KANK2: variants seen among roughly 807,000 people sequenced by gnomAD.
KANK2 encodes the protein KN motif and ankyrin repeat domain-containing protein 2.
Under a neutral mutation model 74.6 loss-of-function variants are expected in KANK2, and 41 were observed. The observed-to-expected ratio is 0.55, with a 90% CI of 0.43 to 0.71. The LOEUF is 0.71. Among genes scored for constraint, KANK2 ranks in the 30% least tolerant of loss-of-function variants. The pLI, the probability that KANK2 is intolerant of heterozygous loss-of-function variation, is 0.00. For synonymous variants in KANK2, 537 were observed against 519.0 expected, an observed-to-expected ratio of 1.03 and a Z score of -0.47; for missense variants, 1,148 against 1,196.4, an observed-to-expected ratio of 0.96 and a Z score of 0.60.
chr19:11,188,911 G>A (rs2078754448), intron 4 of KANK2, among the ~76,000 whole-genome samples: 1 of 151,796 alleles, frequency 6.6e-6, no homozygotes, highest in African/African-American at 2.4e-5. Flanking sequence ...TTTGAACCCA[G>A]GAGGTGGAGG....
intron 7 of KANK2, 82 bp downstream of exon 7, chr19:11,176,496 A>G: frequency 6.8e-7 from 1 of 1,462,864 alleles, no homozygotes; most frequent in Non-Finnish European, 9.1e-7. Context: ...AGGGTCCTTC[A>G]AAGGGCTTGA....
In KANK2 at chr19:11,192,913, G is replaced by A. The variant is rs758967499; in HGVS notation, c.1167C>T (p.Cys389=). 8 of 1,614,018 alleles carry A rather than the reference G, an allele frequency of 5.0e-6. No homozygotes were observed. The Admixed American group carries it at 1.0e-4, about 20-fold the overall frequency. The part of the protein sequence containing the change: ...FRSQEVVETM[C]PVPAAATSNV... Reference sequence around the variant, plus strand: ...TGCTGGTAGCTGCAGCGGGCACTGGGCACATTGTCTCCACCACCTCCTGGC... The same window carrying A: ...TGCTGGTAGCTGCAGCGGGCACTGGACACATTGTCTCCACCACCTCCTGGC... Residue 389 remains cysteine, a synonymous_variant, in exon 4 of 13, where the codon TGC becomes TGT. Transcript: ENST00000586659.
intron 4 of KANK2, among the ~76,000 whole-genome samples, chr19:11,180,105 GC>G (rs539911634): frequency 5.1e-4 from 77 of 152,052 alleles, no homozygotes; most frequent in Admixed American, 8.5e-4. Flanking sequence ...CAAGTGATCC[GC>G]CTTCCAAAGT....
At chr19:11,178,175 T>C (rs1395710695) in intron 6 of KANK2, among the ~76,000 whole-genome samples, 170 bp downstream of exon 6, 2 of 152,162 alleles carry the variant, frequency 1.3e-5, no homozygotes, top group Non-Finnish European at 2.9e-5. Flanking sequence ...GCTCCAGAAA[T>C]GCGCTTAGCC....
At chr19:11,168,686 C>T (rs1368070215) in intron 12 of KANK2, among the ~76,000 whole-genome samples, 1 of 152,114 alleles carries the variant, frequency 6.6e-6, no homozygotes, top group African/African-American at 2.4e-5. Context: ...TAACATGCAG[C>T]AGGCGCTCAA....
At chr19:11,172,239 A>G (rs904096050) in intron 10 of KANK2, among the ~76,000 whole-genome samples, 8 of 152,254 alleles carry the variant, frequency 5.3e-5, no homozygotes, top group African/African-American at 1.9e-4. Context: ...AGCCTCCCAC[A>G]GTGCTGGGAT....
rs1174976856 is a variant in KANK2, at chr19:11,173,017, G to T, written c.2175C>A (p.Leu725=). The part of the protein sequence containing the change: ...TQDDIETVLQ[L]FRLGNINAKA... Reference sequence around the variant, plus strand: ...TGGCATTGATGTTGCCAAGCCGGAAGAGCTGAAGGACAGTCTCGATGTCGT... The same window carrying T: ...TGGCATTGATGTTGCCAAGCCGGAATAGCTGAAGGACAGTCTCGATGTCGT... Residue 725 remains leucine, a synonymous_variant, in exon 10 of 13, where the codon CTC becomes CTA. Transcript: ENST00000586659. 1 of 1,614,122 alleles carries T rather than the reference G, an allele frequency of 6.2e-7. No individual in the cohort carries two copies. The highest frequency in any genetic ancestry group is 2.2e-5 in the East Asian group (1 of 44,884).
intron 4 of KANK2, among the ~76,000 whole-genome samples, chr19:11,190,272 C>T (rs540143223): frequency 1.3e-5 from 2 of 152,234 alleles, no homozygotes; most frequent in South Asian, 2.1e-4. Context: ...GGACTACAGG[C>T]GTGTGCCAAC....
At position 11,183,549 on chromosome 19, in the gene KANK2, C is replaced by T. The variant is rs570161527; in HGVS notation, c.1250-4829G>A. Among the ~76,000 whole-genome samples the T allele has an allele frequency of 7.9e-5, 12 of 152,300 alleles. No homozygotes were observed. The South Asian group carries it at 2.3e-3, about 29-fold the overall frequency. On this transcript the variant is annotated intron_variant, in intron 4 of 12. Transcript: ENST00000586659. ...TGTTGTCCAGGCTGGAGCGCAGTGG[C>T]GTGATCACAGCTCATTCCAGCTTCG...
intron 4 of KANK2, among the ~76,000 whole-genome samples, chr19:11,186,337 A>C (rs1218637294): frequency 6.6e-6 from 1 of 151,034 alleles, no homozygotes; most frequent in Non-Finnish European, 1.5e-5. Context: ...GCAGTGAGCC[A>C]AGATCGCGCC....
rs57542972 is a variant in KANK2, at chr19:11,184,719, G to GA, written c.1250-6000dup. On this transcript the variant is annotated intron_variant, in intron 4 of 12. Transcript: ENST00000586659. ...CAAGACTCTACTTTTTTTTTAATGT[G>GA]AAAAAAAAAAATCAATAAATAAACT... Among the ~76,000 whole-genome samples, 118 of 140,322 alleles carry GA rather than the reference G, an allele frequency of 8.4e-4. 6 individuals are homozygous for GA. The highest frequency in any genetic ancestry group is 2.6e-3 in the African/African-American group (100 of 37,850). The allele number at this position is 140,322 out of a possible 152,430, so 92.1% of individuals were successfully genotyped here. A position where few individuals can be genotyped will look rare whatever the true frequency, so the allele number is the denominator to read the frequency against.
In KANK2 at chr19:11,176,739, C is replaced by T. The variant is rs2078350857; in HGVS notation, c.1599G>A (p.Glu533=). Residue 533 remains glutamate, a synonymous_variant, in exon 7 of 13, where the codon GAG becomes GAA. Coordinates refer to ENST00000586659, the MANE Select transcript of KANK2 (RefSeq NM_001136191.3). ...DNDSTENEAP[E]PRERVPSVAE... is the part of the protein sequence containing the mutation. ...CCACACTCGGAACCCTCTCCCTCGG[C>T]TCTGGGGCCTCGTTCTCTGTGCTGT... is the stretch of plus-strand genomic sequence containing the variant. The T allele has an allele frequency of 6.2e-7, 1 of 1,608,392 alleles. No homozygotes were observed. The highest frequency in any genetic ancestry group is 1.3e-5 in the African/African-American group (1 of 74,918).
rs954936836 is a variant in KANK2 at position 11,164,478 on chromosome 19, G to A, written c.*2080C>T. ...GAGAGAAGGAAGTGTAGAGAGATGCGTGGACCCATCTCAGGGGTCACGCAT... is the reference window on the plus strand; with the variant it reads ...GAGAGAAGGAAGTGTAGAGAGATGCATGGACCCATCTCAGGGGTCACGCAT... On this transcript the variant is annotated 3_prime_UTR_variant, in exon 13 of 13. Coordinates refer to ENST00000586659, the MANE Select transcript of KANK2 (RefSeq NM_001136191.3). 1 of 152,066 alleles carries A rather than the reference G, an allele frequency of 6.6e-6. No homozygotes were observed. The highest frequency in any genetic ancestry group is 1.5e-5 in the Non-Finnish European group (1 of 68,034). 9.4% of individuals were successfully genotyped at this position (152,066 alleles called of 1,614,324 possible).
At chr19:11,178,856 T>C (rs1169828850) in intron 4 of KANK2, 136 bp from the exon 5 acceptor site, 6 of 743,820 alleles carry the variant, frequency 8.1e-6, no homozygotes, top group African/African-American at 1.9e-5. Context: ...TCCTGCCCCT[T>C]GGAGGGAAAT....
chr19:11,166,432 C>T lies in KANK2; in HGVS notation c.*126G>A. ...CCCAGGGAAGCAGAGGGAGAGCTCG[C>T]TTGCCTTTGAGCCGTGGGCCTTGGG... On this transcript the variant is annotated 3_prime_UTR_variant, in exon 13 of 13. Coordinates refer to ENST00000586659, the MANE Select transcript of KANK2 (RefSeq NM_001136191.3). The T allele has an allele frequency of 2.4e-6, 2 of 842,674 alleles. No individual in the cohort carries two copies. The highest frequency in any genetic ancestry group is 3.9e-6 in the Non-Finnish European group (2 of 517,964). 52.2% of individuals were successfully genotyped at this position (842,674 alleles called of 1,614,324 possible). A position where few individuals can be genotyped will look rare whatever the true frequency, so the allele number is the denominator to read the frequency against.
At chr19:11,196,307 C>T (rs1310169482) in intron 1 of KANK2, 3 of 152,342 alleles carry the variant, frequency 2.0e-5, no homozygotes, top group Non-Finnish European at 2.9e-5. Context: ...ATCCGCCCGC[C>T]TTGGCCTCCC....
intron 2 of KANK2, 92 bp downstream of exon 2, chr19:11,195,530 C>T (rs2078992815): frequency 6.6e-6 from 1 of 152,290 alleles, no homozygotes; most frequent in African/African-American, 2.4e-5. Flanking sequence ...CCTTTCTGGC[C>T]TTTGAGTGCT....
chr19:11,191,127 G>C (rs1162481069), intron 4 of KANK2, among the ~76,000 whole-genome samples: 1 of 151,692 alleles, frequency 6.6e-6, no homozygotes, highest in African/African-American at 2.4e-5. Context: ...TGCAACCTCC[G>C]CCTCCCGGGT....
chr19:11,174,350 G>C, intron 9 of KANK2, 123 bp downstream of exon 9: 1 of 785,530 alleles, frequency 1.3e-6, no homozygotes, highest in East Asian at 2.7e-5. Flanking sequence ...ATTATACTGA[G>C]AAGGCCGCGT....
Sources: allele counts gnomAD v4.1 joint callset (sites outside exome capture counted in the v4.1 genomes callset), GRCh38; gene constraint gnomAD v4.1.1; transcripts MANE v1.5; gene names NCBI Gene and HGNC (gene_info 2026-07-23, HGNC 2026-07-21).